PRAM1: variants seen among roughly 807,000 people sequenced by gnomAD.
The protein encoded by PRAM1 is PML-RARA-regulated adapter molecule 1.
Under a neutral mutation model 55.3 loss-of-function variants are expected in PRAM1, and 41 were observed. The ratio of observed to expected loss-of-function variants is 0.74; its 90% CI spans 0.58 to 0.96. PRAM1 has a LOEUF of 0.96. PRAM1 is among the 40% of genes least tolerant of loss of function. The probability of loss-of-function intolerance (pLI) is 0.00; values close to 1 mark genes in which losing one functional copy is unlikely to be tolerated. For missense variants in PRAM1, 898 were observed against 892.7 expected, an observed-to-expected ratio of 1.01 and a Z score of -0.08; for synonymous variants, 401 against 387.1, an observed-to-expected ratio of 1.04 and a Z score of -0.42.
rs1412647833 is a variant in PRAM1 at position 8,490,724 on chromosome 19, C to T, written c.1776G>A (p.Met592Ile). 6.2e-7 allele frequency: 1 copy of T among 1,611,192 alleles called. No homozygotes were observed. Among genetic ancestry groups the T allele is most frequent in the African/African-American group, 1.3e-5 (1 of 74,898 alleles). Residue 592 changes from methionine to isoleucine, a missense_variant, in exon 7 of 10, where the codon ATG becomes ATA. Around this residue, in one of 4 missense-constraint regions of PRAM1, gnomAD observed 787 missense variants for 735.4 expected, o/e 1.07. Transcript: ENST00000423345. The surrounding 1 kb of genome is among the most constrained non-coding windows in gnomAD (Gnocchi z 7.3). ...GTGTCTTAGCGTTGGGGTCGATCATCATCTTCGTGTGAACCACGATCTCCC... is the reference window on the plus strand; with the variant it reads ...GTGTCTTAGCGTTGGGGTCGATCATTATCTTCGTGTGAACCACGATCTCCC... ...FEGEIVVHTK[M>I]MIDPNAKTRR...
rs1369290640 is a variant in PRAM1, at chr19:8,493,694, G to C, written c.1577-2537C>G. On this transcript the variant is annotated intron_variant, in intron 4 of 9. Transcript: ENST00000423345. This position sits in a 1 kb window ranked among gnomAD's most constrained non-coding sequence, Gnocchi z 4.1. ...AGACAGTGGGAAAGGGGAGTCCAGA[G>C]TCCTGGCCCCAAGAGACCTAAGCTG... Among the ~76,000 whole-genome samples, 1 of 152,242 alleles carries C rather than the reference G, an allele frequency of 6.6e-6. No homozygotes were observed. The highest frequency in any genetic ancestry group is 1.5e-5 in the Non-Finnish European group (1 of 68,046).
chr19:8,493,620 T>C lies in PRAM1; in HGVS notation c.1577-2463A>G, dbSNP rs1052558302. Among the ~76,000 whole-genome samples, 1 of 152,156 alleles carries C rather than the reference T, an allele frequency of 6.6e-6. No homozygotes were observed. The highest frequency in any genetic ancestry group is 1.5e-5 in the Non-Finnish European group (1 of 68,006). On this transcript the variant is annotated intron_variant, in intron 4 of 9. Transcript: ENST00000423345. This position sits in a 1 kb window ranked among gnomAD's most constrained non-coding sequence, Gnocchi z 4.1. ...TCTCCCCACCTGCAGAGGAGCCCCC[T>C]GCCTTCCAGGAACCTCTGCAGTGGA...
In PRAM1 at chr19:8,497,828, C is replaced by A. The variant is rs1350915785; in HGVS notation, c.1512G>T (p.Glu504Asp). Reference sequence around the variant, plus strand: ...CCACATCGTCATACAGCTCGTAGATCTCATCTGGGACCCTGCGGGGATACC... The same window carrying A: ...CCACATCGTCATACAGCTCGTAGATATCATCTGGGACCCTGCGGGGATACC... ...QPEDIPQVPD[E>D]IYELYDDVEP... Residue 504 changes from glutamate (E) to aspartate (D), a missense_variant, in exon 4 of 10, where the codon GAG (glutamate) becomes GAT (aspartate). Glu to Asp is a conservative substitution (Grantham distance 45). Around this residue, in one of 4 missense-constraint regions of PRAM1, gnomAD observed 787 missense variants for 735.4 expected, o/e 1.07. Coordinates refer to ENST00000423345, the MANE Select transcript of PRAM1 (RefSeq NM_032152.5). The A allele has an allele frequency of 6.3e-7, 1 of 1,585,782 alleles. No homozygotes were observed. The highest frequency in any genetic ancestry group is 8.6e-7 in the Non-Finnish European group (1 of 1,158,338).
At chr19:8,495,263 C>T (rs748277004) in intron 4 of PRAM1, among the ~76,000 whole-genome samples, 3 of 152,124 alleles carry the variant, frequency 2.0e-5, no homozygotes, top group South Asian at 2.1e-4. Context: ...CCACACCTGG[C>T]GAATTTTTGT....
At chr19:8,495,247 G>A (rs989248921) in intron 4 of PRAM1, among the ~76,000 whole-genome samples, 1 of 151,930 alleles carries the variant, frequency 6.6e-6, no homozygotes, top group African/African-American at 2.4e-5. Flanking sequence ...CTACAGGCAC[G>A]CACCACCACA....
At chr19:8,497,913 T>C (rs1971722922) in intron 3 of PRAM1, 73 bp from the exon 4 acceptor site, 1 of 1,127,466 alleles carries the variant, frequency 8.9e-7, no homozygotes, top group Non-Finnish European at 1.2e-6. Context: ...AGTTTTTCTC[T>C]GTTGCCCAGG....
chr19:8,491,438 G>C, intron 4 of PRAM1: 1 of 519,402 alleles, frequency 1.9e-6, no homozygotes, highest in African/African-American at 1.9e-5. Flanking sequence ...TCACCATGTG[G>C]GCCAGGCTGG....
chr19:8,497,964 C>T (rs1273847744), intron 3 of PRAM1, 124 bp from the exon 4 acceptor site: 14 of 774,850 alleles, frequency 1.8e-5, no homozygotes, highest in Non-Finnish European at 2.0e-5. Context: ...TCACTGCAGC[C>T]TCCACCTCCC....
rs1479715501 is a variant in PRAM1 at position 8,490,259 on chromosome 19, C to CT, written c.1976-34dup. On this transcript the variant is annotated intron_variant, in intron 9 of 9. Coordinates refer to ENST00000423345, the MANE Select transcript of PRAM1 (RefSeq NM_032152.5). This position sits in a 1 kb window ranked among gnomAD's most constrained non-coding sequence, Gnocchi z 7.3. ...GGAAGCGTGACTTCCATGGACCCCTCTCCCCAGAAGCCCAATAGTGAGCAG... is the reference window on the plus strand; with the variant it reads ...GGAAGCGTGACTTCCATGGACCCCTCTTCCCCAGAAGCCCAATAGTGAGCAG... 3 of 1,611,186 alleles carry CT rather than the reference C, an allele frequency of 1.9e-6. No homozygotes were observed. The African/African-American group carries it at 4.0e-5, about 22-fold the overall frequency.
At position 8,496,244 on chromosome 19, in the gene PRAM1, G is replaced by A. The variant is rs545420985; in HGVS notation, c.1576+1520C>T. On this transcript the variant is annotated intron_variant, in intron 4 of 9. Transcript: ENST00000423345. ...GCCTGGCCAATGTAGTGAAACCCCA[G>A]CTCTACTAAAAATACAAAAATTAAC... 6 of 361,884 alleles carry A rather than the reference G, an allele frequency of 1.7e-5. No individual in the cohort carries two copies. The East Asian group carries it at 5.5e-4, about 33-fold the overall frequency. The allele number at this position is 361,884 out of a possible 1,614,324, so 22.4% of individuals were successfully genotyped here.
Position 8,498,573 on chromosome 19 carries a change from G to A in PRAM1, c.1235C>T (p.Ala412Val), listed in dbSNP as rs1471928219. 2 of 1,612,408 alleles carry A rather than the reference G, an allele frequency of 1.2e-6. No homozygotes were observed. The highest frequency in any genetic ancestry group is 3.3e-5 in the Admixed American group (2 of 59,988). ...SRHPLSPGFG[A>V]AGTPRWRSGG... ...TGACCTCCAGCGGGGTGTCCCAGCC[G>A]CTCCAAACCCAGGGCTGAGCGGGTG... The change falls in exon 2 of 10, where the codon GCG (alanine) becomes GTG (valine). Residue 412 changes from alanine to valine, a missense_variant. Transcript: ENST00000423345.
chr19:8,491,247 G>A (rs1485521466), intron 4 of PRAM1, 90 bp from the exon 5 acceptor site: 2 of 1,357,934 alleles, frequency 1.5e-6, no homozygotes, highest in African/African-American at 3.0e-5. Flanking sequence ...TTGTGTTTTT[G>A]TTTTGAGACG....
At position 8,490,480 on chromosome 19, in the gene PRAM1, G is replaced by A. The variant is rs1971600587; in HGVS notation, c.1936C>T (p.Pro646Ser). The change falls in exon 8 of 10, where the codon CCC (proline) becomes TCC (serine). Residue 646 changes from proline (P) to serine (S), a missense_variant. This residue lies in a region of PRAM1 where 787 missense variants were observed against 735.4 expected (regional missense o/e 1.07). Coordinates refer to ENST00000423345, the MANE Select transcript of PRAM1 (RefSeq NM_032152.5). The surrounding 1 kb of genome is among the most constrained non-coding windows in gnomAD (Gnocchi z 7.3). Reference protein sequence around the residue: ...YGYVPRTALLPLETEVYDDVD... With the variant: ...YGYVPRTALLSLETEVYDDVD... The stretch of plus-strand genomic sequence containing the variant: ...ACGGTCAGGGCTGGCACTCACAGGG[G>A]CAGGAGCGCTGTTCTGGGCACGTAG... The A allele has an allele frequency of 6.2e-7, 1 of 1,612,714 alleles. No homozygotes were observed. The highest frequency in any genetic ancestry group is 1.7e-5 in the Admixed American group (1 of 59,846).
intron 3 of PRAM1, among the ~76,000 whole-genome samples, 183 bp downstream of exon 3, chr19:8,498,040 C>A (rs1373252332): frequency 6.6e-6 from 1 of 151,904 alleles, no homozygotes; most frequent in Non-Finnish European, 1.5e-5. Flanking sequence ...CCCCACCACA[C>A]CGGGCTAATT....
At position 8,499,658 on chromosome 19, in the gene PRAM1, A is replaced by T; in HGVS notation, c.150T>A (p.Pro50=). ...CCTTCTTGGGGTGCTCGCTTAGCTC[A>T]GGCTGGGAGAACTTCTTCAGTTTAC... is the stretch of plus-strand genomic sequence containing the variant. ...EFGKLKKFSQ[P]ELSEHPKKAP... Residue 50 remains proline, a synonymous_variant, in exon 2 of 10, where the codon CCT becomes CCA. Coordinates refer to ENST00000423345, the MANE Select transcript of PRAM1 (RefSeq NM_032152.5). The T allele has an allele frequency of 6.2e-7, 1 of 1,613,704 alleles. No homozygotes were observed. Among genetic ancestry groups the T allele is most frequent in the Non-Finnish European group, 8.5e-7 (1 of 1,179,818 alleles).
rs752907807 is a variant in PRAM1, at chr19:8,490,851, C to T, written c.1743+36G>A. ...GGGATCGGTGGGACCCTGGTCTCCG[C>T]CCTGCCAGGACTCCTGCTTAGCTCA... On this transcript the variant is annotated intron_variant, in intron 6 of 9. Transcript: ENST00000423345. The surrounding 1 kb of genome is among the most constrained non-coding windows in gnomAD (Gnocchi z 7.3). The T allele has an allele frequency of 6.2e-7, 1 of 1,610,702 alleles. No individual in the cohort carries two copies. The highest frequency in any genetic ancestry group is 1.7e-5 in the Admixed American group (1 of 60,012).
At chr19:8,495,035 G>A (rs767609344) in intron 4 of PRAM1, among the ~76,000 whole-genome samples, 1 of 151,870 alleles carries the variant, frequency 6.6e-6, no homozygotes. Context: ...CACCTCCCGG[G>A]TTCAAGGAAT....
chr19:8,498,710 G>T lies in PRAM1; in HGVS notation c.1098C>A (p.Leu366=). 6.3e-7 allele frequency: 1 copy of T among 1,595,830 alleles called. No homozygotes were observed. Among genetic ancestry groups the T allele is most frequent in the South Asian group, 1.1e-5 (1 of 88,780 alleles). ...KFSQPEPSAV[L]KRHPQPEFFG... ...AGAACTCAGGCTGCGGGTGTCTCTT[G>T]AGGACAGCGCTGGGCTCAGGCTGTG... The change falls in exon 2 of 10, where the codon CTC becomes CTA. Residue 366 remains leucine (L), a synonymous_variant. Coordinates refer to ENST00000423345, the MANE Select transcript of PRAM1 (RefSeq NM_032152.5).
At chr19:8,502,010 T>C (rs2967597) in intron 1 of PRAM1, among the ~76,000 whole-genome samples, 43,708 of 152,118 alleles carry the variant, frequency 0.29, 8,981 homozygotes, top group African/African-American at 0.58. Flanking sequence ...TGGCCTTTGC[T>C]TCCTGCGTGT....
Sources: allele counts gnomAD v4.1 joint callset (sites outside exome capture counted in the v4.1 genomes callset), GRCh38; gene constraint gnomAD v4.1.1; regional missense constraint gnomAD v4.1.1; non-coding constraint Gnocchi (gnomAD v3.1); transcripts MANE v1.5; gene names NCBI Gene and HGNC (gene_info 2026-07-23, HGNC 2026-07-21).